The following PARP8 variants were observed in gnomAD, a reference collection of about 807,000 sequenced individuals.
PARP8 encodes the protein protein mono-ADP-ribosyltransferase PARP8.
In PARP8, 51 loss-of-function variants were observed where a neutral mutation model predicts 124.1. The ratio of observed to expected loss-of-function variants is 0.41; its 90% CI spans 0.33 to 0.52. PARP8 has a LOEUF of 0.52. Ranked by LOEUF, PARP8 falls within the 20% of genes least tolerant of loss-of-function variation. The pLI is 0.21. For missense variants in PARP8, 860 were observed against 1,018.9 expected, an observed-to-expected ratio of 0.84 and a Z score of 2.12; for synonymous variants, 391 against 361.5, an observed-to-expected ratio of 1.08 and a Z score of -0.93.
At chr5:50,777,909 C>G (rs1205858944) in intron 7 of PARP8, among the ~76,000 whole-genome samples, 160 bp from the exon 8 acceptor site, 1 of 152,110 alleles carries the variant, frequency 6.6e-6, no homozygotes, top group Non-Finnish European at 1.5e-5. Context: ...GACAGTCCAA[C>G]TAGATTATTA....
At chr5:50,734,013 G>A (rs1757248195) in intron 2 of PARP8, among the ~76,000 whole-genome samples, 1 of 152,136 alleles carries the variant, frequency 6.6e-6, no homozygotes, top group African/African-American at 2.4e-5. Context: ...TACTAATGAG[G>A]AAGATGAATT....
At chr5:50,741,707 A>G in intron 2 of PARP8, 1 of 273,946 alleles carries the variant, frequency 3.7e-6, no homozygotes, top group Non-Finnish European at 7.2e-6. Flanking sequence ...TTATTGAGAA[A>G]CTAACTTAAT....
At chr5:50,837,525 A>G (rs1437202339) in intron 25 of PARP8, among the ~76,000 whole-genome samples, 3 of 152,168 alleles carry the variant, frequency 2.0e-5, no homozygotes, top group Non-Finnish European at 4.4e-5. Flanking sequence ...CCTGGATGTT[A>G]GAAGCTTTGC....
At chr5:50,675,399 G>C (rs1416813178) in intron 2 of PARP8, among the ~76,000 whole-genome samples, 2 of 152,134 alleles carry the variant, frequency 1.3e-5, no homozygotes, top group Non-Finnish European at 2.9e-5. Context: ...CCGCCCCCCG[G>C]GTTCAAACGA....
At chr5:50,694,842 C>G (rs902482752) in intron 2 of PARP8, among the ~76,000 whole-genome samples, 5 of 152,162 alleles carry the variant, frequency 3.3e-5, no homozygotes, top group Admixed American at 3.3e-4. Context: ...CAGTCTGTGC[C>G]TGAAAGCCTG....
At chr5:50,774,183 G>A (rs1243402123) in intron 7 of PARP8, among the ~76,000 whole-genome samples, 1 of 152,198 alleles carries the variant, frequency 6.6e-6, no homozygotes, top group African/African-American at 2.4e-5. Context: ...AGCATCCCAA[G>A]GCAGAAGAAT....
chr5:50,815,843 A>C (rs1165974439), intron 15 of PARP8, among the ~76,000 whole-genome samples: 2 of 152,212 alleles, frequency 1.3e-5, no homozygotes, highest in Non-Finnish European at 2.9e-5. Context: ...TTATTTGTAA[A>C]GATAACTGCC....
chr5:50,823,789 G>A (rs1159011066), intron 17 of PARP8, among the ~76,000 whole-genome samples: 1 of 152,146 alleles, frequency 6.6e-6, no homozygotes, highest in Non-Finnish European at 1.5e-5. Context: ...TTAATAGAAG[G>A]GAACGTAGAC....
intron 2 of PARP8, among the ~76,000 whole-genome samples, chr5:50,679,975 T>C (rs1751092562): frequency 1.3e-5 from 2 of 152,198 alleles, no homozygotes; most frequent in African/African-American, 4.8e-5. Context: ...TTTGTCTCCA[T>C]GTAAAACATA....
At chr5:50,678,952 G>C (rs1437215369) in intron 2 of PARP8, among the ~76,000 whole-genome samples, 2 of 152,082 alleles carry the variant, frequency 1.3e-5, no homozygotes, top group African/African-American at 4.8e-5. Flanking sequence ...CCCTTTTGTA[G>C]GGTGACCATC....
At chr5:50,820,248 C>A (rs540752453) in intron 15 of PARP8, among the ~76,000 whole-genome samples, 38 of 152,108 alleles carry the variant, frequency 2.5e-4, no homozygotes, top group Non-Finnish European at 4.4e-4. Context: ...AAAATTGGCC[C>A]CCTCTTACTG....
chr5:50,807,107 T>C (rs1158158228), intron 14 of PARP8, among the ~76,000 whole-genome samples: 3 of 151,930 alleles, frequency 2.0e-5, no homozygotes, highest in Non-Finnish European at 4.4e-5. Context: ...AGCCTGATTG[T>C]TTTTTGATGA....
chr5:50,784,316 T>A (rs1032892083), intron 9 of PARP8, among the ~76,000 whole-genome samples: 3 of 152,174 alleles, frequency 2.0e-5, no homozygotes, highest in African/African-American at 7.2e-5. Context: ...ACTTTGAAAC[T>A]AAAGATAAGG....
chr5:50,700,825 T>G (rs187301287), intron 2 of PARP8, among the ~76,000 whole-genome samples: 2 of 152,258 alleles, frequency 1.3e-5, no homozygotes, highest in African/African-American at 4.8e-5. Flanking sequence ...CTTCCATGTC[T>G]TTTTTTAATC....
Position 50,681,222 on chromosome 5 carries a change from TA to T in PARP8, c.146+13098del, listed in dbSNP as rs1158329723. Among the ~76,000 whole-genome samples the T allele has an allele frequency of 2.0e-5, 3 of 152,180 alleles. No homozygotes were observed. In the East Asian group the frequency reaches 5.8e-4, roughly 29 times the overall value. ...AATGAATCTTAAATATCTCTTGTTT[TA>T]TGTTGAAAAATTGTTTTCATAAGAT... is the stretch of plus-strand genomic sequence containing the variant. On this transcript the variant is annotated intron_variant, in intron 2 of 25. Coordinates refer to ENST00000281631, the MANE Select transcript of PARP8 (RefSeq NM_024615.4).
rs1311615418 is a variant in PARP8, at chr5:50,794,302, C to T, written c.833C>T (p.Ser278Phe). The change falls in exon 11 of 26, where the codon TCT becomes TTT. Residue 278 changes from serine (S) to phenylalanine (F), a missense_variant. Ser to Phe is a radical substitution (Grantham distance 155). Around this residue, in one of 2 missense-constraint regions of PARP8, gnomAD observed 517 missense variants for 544.2 expected, o/e 0.95. Coordinates refer to ENST00000281631, the MANE Select transcript of PARP8 (RefSeq NM_024615.4). The stretch of plus-strand genomic sequence containing the variant: ...AAGTTGTCAGAGAAGAAAGTGAAGT[C>T]TCCCCTGCATTTATTTTCTACTTTG... ...NKKLSEKKVK[S>F]PLHLFSTLRR... The T allele has an allele frequency of 4.3e-6, 7 of 1,613,290 alleles. No individual in the cohort carries two copies. Among genetic ancestry groups the T allele is most frequent in the African/African-American group, 1.3e-5 (1 of 74,906 alleles).
intron 2 of PARP8, among the ~76,000 whole-genome samples, chr5:50,709,965 T>G: frequency 8.4e-6 from 1 of 119,066 alleles, no homozygotes; most frequent in South Asian, 2.4e-4. Flanking sequence ...TACACATACA[T>G]ATATACACAC....
intron 2 of PARP8, among the ~76,000 whole-genome samples, chr5:50,690,922 TTTC>T (rs1373236716): frequency 6.6e-6 from 1 of 152,206 alleles, no homozygotes; most frequent in East Asian, 1.9e-4. Flanking sequence ...ACTTCTCAAA[TTTC>T]TTATTTCTCT....
chr5:50,753,272 C>CT (rs1759462035), intron 3 of PARP8, among the ~76,000 whole-genome samples: 1 of 152,000 alleles, frequency 6.6e-6, no homozygotes, highest in Non-Finnish European at 1.5e-5. Flanking sequence ...GGAGTGGACT[C>CT]TCTTATCCCT....
Sources: gnomAD v4.1 joint callset for allele counts (sites outside exome capture counted in the v4.1 genomes callset) on GRCh38, gnomAD v4.1.1 for gene constraint, gnomAD v4.1.1 regional missense constraint, MANE v1.5 for transcripts, NCBI Gene and HGNC (gene_info 2026-07-23, HGNC 2026-07-21) for gene names.